TSHZ1: variants seen among roughly 807,000 people sequenced by gnomAD.
TSHZ1 encodes the protein teashirt homolog 1.
In TSHZ1, 12 loss-of-function variants were observed where a neutral mutation model predicts 67.1. The ratio of observed to expected loss-of-function variants is 0.18; its 90% CI spans 0.11 to 0.29. The LOEUF (loss-of-function observed/expected upper bound fraction) is 0.29, where lower values mean the gene tolerates loss of function less well. TSHZ1 is among the 10% of genes least tolerant of loss of function. The pLI is 1.00. For missense variants in TSHZ1, 1,305 were observed against 1,413.9 expected (o/e 0.92, Z 1.23); for synonymous variants, 632 against 622.4 (o/e 1.02, Z -0.23).
intron 1 of TSHZ1, among the ~76,000 whole-genome samples, chr18:75,250,770 G>A (rs2023292384): frequency 6.6e-6 from 1 of 152,240 alleles, no homozygotes; most frequent in African/African-American, 2.4e-5. Flanking sequence ...CACCCAGAGC[G>A]GGACTGGGTC....
intron 1 of TSHZ1, among the ~76,000 whole-genome samples, chr18:75,261,816 G>A (rs1264330575): frequency 6.6e-6 from 1 of 152,206 alleles, no homozygotes; most frequent in African/African-American, 2.4e-5. Flanking sequence ...CGTCGGGGGT[G>A]CGTGTTAATT....
chr18:75,287,438 T>A lies in TSHZ1; in HGVS notation c.2031T>A (p.Asn677Lys). The A allele has an allele frequency of 6.2e-7, 1 of 1,613,944 alleles. No homozygotes were observed. The highest frequency in any genetic ancestry group is 2.2e-5 in the East Asian group (1 of 44,856). The change falls in exon 2 of 2, where the codon AAT becomes AAA. Residue 677 changes from asparagine to lysine, a missense_variant. Physicochemically the swap from Asn to Lys is moderately conservative, Grantham distance 94 (BLOSUM62 0). Coordinates refer to ENST00000580243, the MANE Select transcript of TSHZ1 (RefSeq NM_001308210.2). This position sits in a 1 kb window ranked among gnomAD's most constrained non-coding sequence, Gnocchi z 5.0. ...AKAASPIAKE[N>K]KDFPKTEEVS... ...CTGCGTCCCCCATAGCAAAAGAGAA[T>A]AAAGATTTCCCGAAAACGGAGGAAG...
In TSHZ1 at chr18:75,286,989, G is replaced by C; in HGVS notation, c.1582G>C (p.Glu528Gln). Residue 528 changes from glutamate to glutamine, a missense_variant, in exon 2 of 2, where the codon GAG (glutamate) becomes CAG (glutamine). By Grantham distance (29) the Glu-to-Gln change is conservative. Transcript: ENST00000580243. The surrounding 1 kb of genome is among the most constrained non-coding windows in gnomAD (Gnocchi z 5.1). ...EESEDSLEKFEPSTLYPYLRE... is the reference protein window; with the variant it reads ...EESEDSLEKFQPSTLYPYLRE... ...GAGTGAGGACAGCTTGGAGAAATTT[G>C]AGCCCAGCACCCTGTACCCGTACCT... 6.2e-7 allele frequency: 1 copy of C among 1,614,026 alleles called. No individual in the cohort carries two copies. Among genetic ancestry groups the C allele is most frequent in the Non-Finnish European group, 8.5e-7 (1 of 1,180,020 alleles).
intron 1 of TSHZ1, among the ~76,000 whole-genome samples, chr18:75,257,533 AT>A (rs2023375848): frequency 6.6e-6 from 1 of 152,000 alleles, no homozygotes; most frequent in Non-Finnish European, 1.5e-5. Flanking sequence ...ATCTGAGGAT[AT>A]TTTGTAAGTT....
chr18:75,213,182 C>T (rs1487159685), intron 1 of TSHZ1, among the ~76,000 whole-genome samples: 3 of 152,116 alleles, frequency 2.0e-5, no homozygotes. Context: ...ATAGTATCTA[C>T]GTTTATGAAT....
intron 1 of TSHZ1, among the ~76,000 whole-genome samples, chr18:75,224,263 C>G (rs2022890695): frequency 6.6e-6 from 1 of 152,010 alleles, no homozygotes; most frequent in Non-Finnish European, 1.5e-5. Flanking sequence ...TTAATTATTA[C>G]CTTTGATGTC....
chr18:75,234,679 CAAATT>C (rs1252271888), intron 1 of TSHZ1, among the ~76,000 whole-genome samples: 2 of 151,508 alleles, frequency 1.3e-5, no homozygotes, highest in Admixed American at 1.3e-4. Flanking sequence ...GATACCAACT[CAAATT>C]AAAAAAAATG....
chr18:75,280,821 G>C (rs1599056590), intron 1 of TSHZ1: 1 of 985,446 alleles, frequency 1.0e-6, no homozygotes. Flanking sequence ...ACAGGTAACA[G>C]CTCCAGATTC....
chr18:75,240,093 A>C lies in TSHZ1; in HGVS notation c.40+28177A>C, dbSNP rs73481938. Among the ~76,000 whole-genome samples, 170 of 152,370 alleles carry C rather than the reference A, an allele frequency of 1.1e-3. 1 individual carries two copies. Among genetic ancestry groups the C allele is most frequent in the African/African-American group, 4.0e-3 (168 of 41,588 alleles). ...GATAGAATTTATCCTTCAAAGATAA[A>C]TTATGAACTTTTGACCTTAGGGAAT... On this transcript the variant is annotated intron_variant, in intron 1 of 1. Coordinates refer to ENST00000580243, the MANE Select transcript of TSHZ1 (RefSeq NM_001308210.2).
At chr18:75,229,652 G>T (rs780425433) in intron 1 of TSHZ1, among the ~76,000 whole-genome samples, 2 of 152,242 alleles carry the variant, frequency 1.3e-5, no homozygotes, top group Non-Finnish European at 2.9e-5. Flanking sequence ...GTGACAGTCT[G>T]TGACATGCGG....
At chr18:75,216,418 G>T (rs2022768253) in intron 1 of TSHZ1, among the ~76,000 whole-genome samples, 1 of 152,144 alleles carries the variant, frequency 6.6e-6, no homozygotes, top group African/African-American at 2.4e-5. Flanking sequence ...GCTCTTCTAG[G>T]CCAAATAGAA....
At chr18:75,235,026 C>A (rs964831641) in intron 1 of TSHZ1, among the ~76,000 whole-genome samples, 19 of 151,878 alleles carry the variant, frequency 1.3e-4, no homozygotes, top group Non-Finnish European at 2.8e-4. Flanking sequence ...AAGGTGTAGA[C>A]CCCAGCCCCC....
chr18:75,211,729 G>A lies in TSHZ1; in HGVS notation c.-148G>A. The A allele has an allele frequency of 3.1e-6, 1 of 322,522 alleles. No individual in the cohort carries two copies. The highest frequency in any genetic ancestry group is 4.4e-6 in the Non-Finnish European group (1 of 228,066). 20.0% of individuals were successfully genotyped at this position (322,522 alleles called of 1,614,324 possible). A position where few individuals can be genotyped will look rare whatever the true frequency, so the allele number is the denominator to read the frequency against. On this transcript the variant is annotated 5_prime_UTR_variant, in exon 1 of 2. Transcript: ENST00000580243. Reference sequence around the variant, plus strand: ...CGGTCCATGCGAGCGGCTCCCCGCGGTCCGCGGCGCGCCCGGAGCCCGGAG... The same window carrying A: ...CGGTCCATGCGAGCGGCTCCCCGCGATCCGCGGCGCGCCCGGAGCCCGGAG...
intron 1 of TSHZ1, among the ~76,000 whole-genome samples, chr18:75,219,394 A>G (rs942466441): frequency 1.3e-5 from 2 of 152,256 alleles, no homozygotes; most frequent in Admixed American, 1.3e-4. Flanking sequence ...TTGAAAAGCA[A>G]TGAATATAAT....
chr18:75,257,766 C>G (rs779934267), intron 1 of TSHZ1, among the ~76,000 whole-genome samples: 1 of 152,172 alleles, frequency 6.6e-6, no homozygotes, highest in Non-Finnish European at 1.5e-5. Flanking sequence ...GATTCAAACG[C>G]CAGTCGTCAC....
At chr18:75,240,854 T>G (rs773097497) in intron 1 of TSHZ1, among the ~76,000 whole-genome samples, 3 of 152,232 alleles carry the variant, frequency 2.0e-5, no homozygotes, top group Non-Finnish European at 4.4e-5. Context: ...ATTTTGATCT[T>G]AAGAATCAGT....
chr18:75,245,250 G>A (rs750210057), intron 1 of TSHZ1: 3 of 152,190 alleles, frequency 2.0e-5, no homozygotes, highest in African/African-American at 4.8e-5. Context: ...AATGCATGGA[G>A]GAGTTGAACT....
chr18:75,266,594 A>T (rs1039808711), intron 1 of TSHZ1, among the ~76,000 whole-genome samples: 1 of 152,238 alleles, frequency 6.6e-6, no homozygotes, highest in African/African-American at 2.4e-5. Flanking sequence ...TATTCTCTTG[A>T]AACATAAGGA....
At position 75,289,083 on chromosome 18, in the gene TSHZ1, A is replaced by G. The variant is rs984617823; in HGVS notation, c.*442A>G. On this transcript the variant is annotated 3_prime_UTR_variant, in exon 2 of 2. Transcript: ENST00000580243. ...GTGCCTTTCACTTGAAAAAAAAAAA[A>G]GAAGAAAAAAAGGCTTAAAGGCATT... The G allele has an allele frequency of 1.2e-5, 2 of 166,928 alleles. No homozygotes were observed. The highest frequency in any genetic ancestry group is 2.9e-5 in the Non-Finnish European group (2 of 68,366). The allele number at this position is 166,928 out of a possible 1,614,324, so 10.3% of individuals were successfully genotyped here.
Sources: allele counts gnomAD v4.1 joint callset (sites outside exome capture counted in the v4.1 genomes callset), GRCh38; gene constraint gnomAD v4.1.1; non-coding constraint Gnocchi (gnomAD v3.1); transcripts MANE v1.5; gene names NCBI Gene and HGNC (gene_info 2026-07-23, HGNC 2026-07-21).